CNTN6: variants seen among roughly 807,000 people sequenced by gnomAD.
The protein encoded by CNTN6 is contactin 6.
Under a neutral mutation model 122.8 loss-of-function variants are expected in CNTN6, and 137 were observed. The observed-to-expected ratio is 1.12, with a 90% CI of 0.97 to 1.29. The LOEUF (loss-of-function observed/expected upper bound fraction) is 1.29. Among genes scored for constraint, CNTN6 ranks in the 50% most tolerant of loss-of-function variants. CNTN6 has a pLI of 0.00. For synonymous variants in CNTN6, 570 were observed against 426.0 expected, an observed-to-expected ratio of 1.34 and a Z score of -4.16; for missense variants, 1,634 against 1,223.4, an observed-to-expected ratio of 1.34 and a Z score of -5.01.
At chr3:1,196,784 T>C (rs775842135) in intron 2 of CNTN6, among the ~76,000 whole-genome samples, 1 of 152,178 alleles carries the variant, frequency 6.6e-6, no homozygotes. Context: ...TCGCCAAATA[T>C]GTATCAAGCA....
At chr3:1,152,292 C>G (rs1041308503) in intron 2 of CNTN6, among the ~76,000 whole-genome samples, 1 of 151,916 alleles carries the variant, frequency 6.6e-6, no homozygotes, top group African/African-American at 2.4e-5. Flanking sequence ...GCACGCACCA[C>G]CATGCTGGGC....
At chr3:1,398,515 C>T (rs1159907527) in intron 20 of CNTN6, among the ~76,000 whole-genome samples, 2 of 152,084 alleles carry the variant, frequency 1.3e-5, no homozygotes, top group Non-Finnish European at 1.5e-5. Flanking sequence ...GAATCATTTG[C>T]AAACTTCAGA....
chr3:1,214,138 A>G (rs1844380), intron 2 of CNTN6, among the ~76,000 whole-genome samples: 38,774 of 151,694 alleles, frequency 0.26, 5,084 homozygotes, highest in East Asian at 0.38. Flanking sequence ...GTATCCCATT[A>G]TTCCTCTTTC....
At position 1,321,691 on chromosome 3, in the gene CNTN6, C is replaced by G. The variant is rs748896656; in HGVS notation, c.803C>G (p.Pro268Arg). 6.2e-6 allele frequency: 10 copies of G among 1,611,354 alleles called. No individual in the cohort carries two copies. Among genetic ancestry groups the G allele is most frequent in the Non-Finnish European group, 7.6e-6 (9 of 1,178,424 alleles). Residue 268 changes from proline (P) to arginine (R), a missense_variant, in exon 8 of 23, where the codon CCG (proline) becomes CGG (arginine). Coordinates refer to ENST00000446702, the MANE Select transcript of CNTN6 (RefSeq NM_001289080.2). ...DISWRRLDGS[P>R]LPGKVKYSKS... ...AGTTGGAGAAGGTTGGACGGGAGCC[C>G]GTTGCCAGGGAAAGTCAAGTACAGC...
Position 1,325,876 on chromosome 3 carries a change from C to T in CNTN6, c.1008C>T (p.Leu336=). 1 of 1,611,922 alleles carries T rather than the reference C, an allele frequency of 6.2e-7. No homozygotes were observed. The highest frequency in any genetic ancestry group is 8.5e-7 in the Non-Finnish European group (1 of 1,178,698). ...NTHLSIYDNL[L]WECKASGKPN... ...ACCTCTCTATCTATGACAACTTGCT[C>T]TGGGAATGTAAAGCTAGTGGAAAGC... Residue 336 remains leucine, a synonymous_variant, in exon 9 of 23, where the codon CTC becomes CTT. Coordinates refer to ENST00000446702, the MANE Select transcript of CNTN6 (RefSeq NM_001289080.2).
chr3:1,242,053 A>G (rs1490944133), intron 4 of CNTN6, among the ~76,000 whole-genome samples: 1 of 152,202 alleles, frequency 6.6e-6, no homozygotes, highest in Non-Finnish European at 1.5e-5. Flanking sequence ...GGTTTGAGAG[A>G]TCAGTCGGAC....
intron 4 of CNTN6, among the ~76,000 whole-genome samples, chr3:1,233,302 C>G (rs2094376304): frequency 6.6e-6 from 1 of 152,088 alleles, no homozygotes; most frequent in Non-Finnish European, 1.5e-5. Context: ...AACTGATAGA[C>G]TGGTATGAGT....
chr3:1,213,076 C>A (rs2094070004), intron 2 of CNTN6, among the ~76,000 whole-genome samples: 1 of 152,130 alleles, frequency 6.6e-6, no homozygotes, highest in Admixed American at 6.5e-5. Context: ...ATGTGCATCT[C>A]ACAAAAGGCA....
chr3:1,119,698 T>G (rs1446945228), intron 1 of CNTN6, among the ~76,000 whole-genome samples: 1 of 151,892 alleles, frequency 6.6e-6, no homozygotes, highest in Non-Finnish European at 1.5e-5. Context: ...CTTAGTTCCC[T>G]CCAAAATATG....
chr3:1,373,465 A>C, intron 14 of CNTN6, 139 bp from the exon 15 acceptor site: 1 of 702,990 alleles, frequency 1.4e-6, no homozygotes, highest in Admixed American at 3.5e-5. Flanking sequence ...ATAGAACTTT[A>C]TCGCTAATAA....
intron 3 of CNTN6, among the ~76,000 whole-genome samples, chr3:1,222,317 TA>T (rs386657354): frequency 3.3e-5 from 5 of 152,292 alleles, no homozygotes; most frequent in African/African-American, 1.2e-4. Context: ...AAAATTTGAT[TA>T]ATACATTTAG....
chr3:1,363,802 G>A (rs1207188052), intron 12 of CNTN6, among the ~76,000 whole-genome samples: 3 of 151,764 alleles, frequency 2.0e-5, no homozygotes, highest in Non-Finnish European at 4.4e-5. Flanking sequence ...GGGTTGTATG[G>A]TATCTCTATT....
At chr3:1,096,899 C>T (rs1017526033) in intron 1 of CNTN6, among the ~76,000 whole-genome samples, 5 of 152,088 alleles carry the variant, frequency 3.3e-5, no homozygotes, top group Admixed American at 2.6e-4. Context: ...TTTATCTGCA[C>T]CACGACCACT....
chr3:1,272,823 G>A (rs532129959), intron 4 of CNTN6, among the ~76,000 whole-genome samples: 2 of 152,260 alleles, frequency 1.3e-5, no homozygotes, highest in Middle Eastern at 3.4e-3. Context: ...CTTTAATTAG[G>A]CTGAGATTCA....
chr3:1,390,957 C>G (rs1199285262), intron 20 of CNTN6, among the ~76,000 whole-genome samples: 1 of 147,670 alleles, frequency 6.8e-6, no homozygotes, highest in Non-Finnish European at 1.5e-5. Context: ...GGATTCACAG[C>G]CGAATTCTAC....
Position 1,160,367 on chromosome 3 carries a change from T to TATATATATATATATAC in CNTN6, c.55+12305_55+12306insTATATATATATATACA, listed in dbSNP as rs1491110079. ...CTGTATATATATATATATATATATATACACACTACCTATATGGTCATTTAG... is the reference window on the plus strand; with the variant it reads ...CTGTATATATATATATATATATATATATATATATATATATACACACACTACCTATATGGTCATTTAG... On this transcript the variant is annotated intron_variant, in intron 2 of 22. Coordinates refer to ENST00000446702, the MANE Select transcript of CNTN6 (RefSeq NM_001289080.2). Among the ~76,000 whole-genome samples, 13 of 112,556 alleles carry TATATATATATATATAC rather than the reference T, an allele frequency of 1.2e-4. No homozygotes were observed. In the East Asian group the frequency reaches 1.3e-3, roughly 11 times the overall value. 73.8% of individuals were successfully genotyped at this position (112,556 alleles called of 152,430 possible).
At chr3:1,240,679 T>C (rs1008985758) in intron 4 of CNTN6, among the ~76,000 whole-genome samples, 1 of 148,752 alleles carries the variant, frequency 6.7e-6, no homozygotes, top group Non-Finnish European at 1.5e-5. Context: ...ACTTGGTGTC[T>C]ACCCAGAGGA....
chr3:1,329,938 A>C lies in CNTN6; in HGVS notation c.1364+3A>C. 1.3e-6 allele frequency: 2 copies of C among 1,532,570 alleles called. No individual in the cohort carries two copies. Among genetic ancestry groups the C allele is most frequent in the Non-Finnish European group, 1.7e-6 (2 of 1,145,502 alleles). 94.9% of individuals were successfully genotyped at this position (1,532,570 alleles called of 1,614,324 possible). A position where few individuals can be genotyped will look rare whatever the true frequency, so the allele number is the denominator to read the frequency against. ...GAGACCCTTAGACAAAGCAAAAGGT[A>C]AACAAATCTTTATTTTTAAAAATAT... On this transcript the variant is annotated splice_donor_region_variant and intron_variant, in intron 11 of 22. Transcript: ENST00000446702.
At chr3:1,315,685 C>CTA (rs1301606134) in intron 7 of CNTN6, among the ~76,000 whole-genome samples, 1 of 151,878 alleles carries the variant, frequency 6.6e-6, no homozygotes, top group Non-Finnish European at 1.5e-5. Flanking sequence ...GCTTTCTTCC[C>CTA]TACTGAAATG....
Sources: gnomAD v4.1 joint callset for allele counts (sites outside exome capture counted in the v4.1 genomes callset) on GRCh38, gnomAD v4.1.1 for gene constraint, MANE v1.5 for transcripts, NCBI Gene and HGNC (gene_info 2026-07-23, HGNC 2026-07-21) for gene names.